Variants in PLBD2 observed in about 807,000 individuals in gnomAD.
The protein encoded by PLBD2 is putative aminopeptidase PLBD2.
Under a neutral mutation model 68.3 loss-of-function variants are expected in PLBD2, and 51 were observed. The ratio of observed to expected loss-of-function variants is 0.75; its 90% confidence interval spans 0.60 to 0.94. PLBD2 has a LOEUF of 0.94. Among genes scored for constraint, PLBD2 ranks in the 40% least tolerant of loss-of-function variants. PLBD2 has a pLI of 0.00. For synonymous variants in PLBD2, 314 were observed against 339.3 expected (o/e 0.93, Z 0.82); for missense variants, 729 against 792.2 (o/e 0.92, Z 0.96).
At chr12:113,380,687 C>T in intron 5 of PLBD2, 58 bp from the exon 6 acceptor site, 1 of 1,387,496 alleles carries the variant, frequency 7.2e-7, no homozygotes, top group South Asian at 1.2e-5. Flanking sequence ...AGGTAGGGTG[C>T]AGGGGCCTCC....
chr12:113,372,810 G>A lies in PLBD2; in HGVS notation c.543+3G>A, dbSNP rs80112745. The A allele has an allele frequency of 6.2e-6, 10 of 1,611,222 alleles. No individual in the cohort carries two copies. The highest frequency in any genetic ancestry group is 8.5e-6 in the Non-Finnish European group (10 of 1,178,994). Reference sequence around the variant, plus strand: ...CAGACTCACCTTACTGGCACCAGGTGAGTCCTGCTGCCACGCTTGGTGGGA... The same window carrying A: ...CAGACTCACCTTACTGGCACCAGGTAAGTCCTGCTGCCACGCTTGGTGGGA... On this transcript the variant is annotated splice_donor_region_variant and intron_variant, in intron 3 of 11. Transcript: ENST00000280800. This position sits in a 1 kb window ranked among gnomAD's most constrained non-coding sequence, Gnocchi z 4.2.
intron 1 of PLBD2, 86 bp downstream of exon 1, chr12:113,358,976 C>G: frequency 7.3e-7 from 1 of 1,376,718 alleles, no homozygotes; most frequent in African/African-American, 1.5e-5. Flanking sequence ...GGACCGGCCT[C>G]TTGCCGGGTG....
intron 1 of PLBD2, among the ~76,000 whole-genome samples, chr12:113,360,765 C>T (rs1028698665): frequency 7.2e-5 from 11 of 152,210 alleles, no homozygotes; most frequent in African/African-American, 1.9e-4. Flanking sequence ...AAGCGATTCT[C>T]GTGTCTCAGC....
intron 2 of PLBD2, among the ~76,000 whole-genome samples, chr12:113,371,656 G>T (rs1164182388): frequency 6.6e-6 from 1 of 152,232 alleles, no homozygotes; most frequent in Non-Finnish European, 1.5e-5. Context: ...GGAATCCCAG[G>T]CCCATGTGCC....
chr12:113,380,822 T>C lies in PLBD2; in HGVS notation c.937T>C (p.Tyr313His). Residue 313 changes from tyrosine (Y) to histidine (H), a missense_variant, in exon 6 of 12, where the codon TAC becomes CAC. Transcript: ENST00000280800. ...PGTIFSCDDF[Y>H]ILGSGLVTLE... ...CACCATCTTCTCCTGCGACGACTTC[T>C]ACATCCTGGGCAGTGGGCTGGTGAG... 6.4e-7 allele frequency: 1 copy of C among 1,556,532 alleles called. No homozygotes were observed. Among genetic ancestry groups the C allele is most frequent in the Non-Finnish European group, 8.7e-7 (1 of 1,149,806 alleles).
At position 113,364,169 on chromosome 12, in the gene PLBD2, A is replaced by G. The variant is rs185076662; in HGVS notation, c.291-4947A>G. ...TGCAGGGCTGTATGAGCATCCGGCC[A>G]GGGAATGGGTTCCTAACCACTGCCC... On this transcript the variant is annotated intron_variant, in intron 1 of 11. Transcript: ENST00000280800. Among the ~76,000 whole-genome samples, 125 of 152,352 alleles carry G rather than the reference A, an allele frequency of 8.2e-4. 2 individuals are homozygous for G. The highest frequency in any genetic ancestry group is 2.7e-3 in the African/African-American group (111 of 41,588).
chr12:113,363,058 A>G (rs1382526911), intron 1 of PLBD2, among the ~76,000 whole-genome samples: 1 of 151,806 alleles, frequency 6.6e-6, no homozygotes, highest in African/African-American at 2.4e-5. Context: ...AGCCTCCCAA[A>G]GTGCTGGGAT....
chr12:113,373,050 TAGTC>T (rs746728554), intron 3 of PLBD2, among the ~76,000 whole-genome samples: 9 of 152,184 alleles, frequency 5.9e-5, no homozygotes, highest in South Asian at 4.1e-4. Context: ...CAAAAACAAA[TAGTC>T]AGTTGTTAGC....
Position 113,384,050 on chromosome 12 carries a change from C to A in PLBD2, c.958-55C>A. On this transcript the variant is annotated intron_variant, in intron 6 of 11. Transcript: ENST00000280800. This position sits in a 1 kb window ranked among gnomAD's most constrained non-coding sequence, Gnocchi z 4.2. ...TGGAGCCATGACTGATGAAGTACTGCCACTTGGTGGCAGCATGCCTAGGCT... is the reference window on the plus strand; with the variant it reads ...TGGAGCCATGACTGATGAAGTACTGACACTTGGTGGCAGCATGCCTAGGCT... 7.0e-7 allele frequency: 1 copy of A among 1,426,020 alleles called. No individual in the cohort carries two copies. 88.3% of individuals were successfully genotyped at this position (1,426,020 alleles called of 1,614,324 possible).
Position 113,382,841 on chromosome 12 carries a change from G to T in PLBD2, c.958-1264G>T, listed in dbSNP as rs944989350. 4.6e-3 allele frequency among the ~76,000 whole-genome samples: 535 copies of T among 117,314 alleles called. 7 individuals carry two copies. The highest frequency in any genetic ancestry group is 0.034 in the East Asian group (141 of 4,170). 77.0% of individuals were successfully genotyped at this position (117,314 alleles called of 152,430 possible). On this transcript the variant is annotated intron_variant, in intron 6 of 11. Transcript: ENST00000280800. ...TGGTGGTGGTGGTGGTTTTTTGTGTGTGTGTGTGTGTGTGTGTGTGTGTGT... is the reference window on the plus strand; with the variant it reads ...TGGTGGTGGTGGTGGTTTTTTGTGTTTGTGTGTGTGTGTGTGTGTGTGTGT...
chr12:113,374,423 G>C (rs1035644519), intron 3 of PLBD2, 51 bp from the exon 4 acceptor site: 8 of 1,249,118 alleles, frequency 6.4e-6, no homozygotes, highest in Admixed American at 2.0e-5. Context: ...GAGAAGGTGT[G>C]AGCCTGGAGG....
chr12:113,377,077 A>G (rs903617063), intron 5 of PLBD2: 14 of 152,238 alleles, frequency 9.2e-5, no homozygotes, highest in African/African-American at 3.1e-4. Flanking sequence ...AATAAAATTC[A>G]AAATCTGTCA....
In PLBD2 at chr12:113,358,596, C is replaced by T. The variant is rs1417643319; in HGVS notation, c.-5C>T. 4 of 1,467,234 alleles carry T rather than the reference C, an allele frequency of 2.7e-6. No homozygotes were observed. The highest frequency in any genetic ancestry group is 3.0e-5 in the East Asian group (1 of 33,260). The allele number at this position is 1,467,234 out of a possible 1,614,324, so 90.9% of individuals were successfully genotyped here. ...CCGGGCTGCGGGGCGCAGCATTGTG[C>T]GGTCATGGTGGGCCAGATGTACTGC... On this transcript the variant is annotated 5_prime_UTR_variant, in exon 1 of 12. Transcript: ENST00000280800.
At chr12:113,381,306 C>T (rs1208139559) in intron 6 of PLBD2, among the ~76,000 whole-genome samples, 1 of 151,774 alleles carries the variant, frequency 6.6e-6, no homozygotes, top group African/African-American at 2.4e-5. Flanking sequence ...TCCTCAGAGC[C>T]CCTCTGACCT....
At position 113,391,108 on chromosome 12, in the gene PLBD2, A is replaced by G. The variant is rs1348561790; in HGVS notation, c.*2482A>G. On this transcript the variant is annotated 3_prime_UTR_variant, in exon 12 of 12. Coordinates refer to ENST00000280800, the MANE Select transcript of PLBD2 (RefSeq NM_173542.4). ...CTATTTGGGAGCCTTGTTAACCACC[A>G]AGACCTTCCTAAGCCATATTGTGGT... 6.6e-6 allele frequency: 1 copy of G among 152,168 alleles called. No individual in the cohort carries two copies. Among genetic ancestry groups the G allele is most frequent in the Non-Finnish European group, 1.5e-5 (1 of 68,042 alleles). 9.4% of individuals were successfully genotyped at this position (152,168 alleles called of 1,614,324 possible).
rs1565861250 is a variant in PLBD2, at chr12:113,375,051, GCACACACGTGGGGAGTGGT to G, written c.859+46_859+64del. 2.5e-6 allele frequency: 4 copies of G among 1,578,474 alleles called. No homozygotes were observed. The South Asian group carries it at 4.5e-5, about 18-fold the overall frequency. On this transcript the variant is annotated intron_variant, in intron 5 of 11. Coordinates refer to ENST00000280800, the MANE Select transcript of PLBD2 (RefSeq NM_173542.4). ...GTCTGGGGGATGAGCAGGTGGGTGG[GCACACACGTGGGGAGTGGT>G]CCTAGGAGGTTTGGGCCTTGGAAAC...
intron 8 of PLBD2, 55 bp downstream of exon 8, chr12:113,385,001 T>TG: frequency 1.3e-6 from 2 of 1,520,884 alleles, no homozygotes; most frequent in Non-Finnish European, 1.8e-6. Flanking sequence ...ACTGCCAGGG[T>TG]GAAGGCCCAG....
intron 5 of PLBD2, among the ~76,000 whole-genome samples, chr12:113,378,281 G>C (rs1299858459): frequency 6.7e-6 from 1 of 150,220 alleles, no homozygotes; most frequent in African/African-American, 2.5e-5. Context: ...AACAGAGTCG[G>C]CCTCTGTCTC....
chr12:113,378,291 C>G (rs1227043715), intron 5 of PLBD2, among the ~76,000 whole-genome samples: 1 of 131,484 alleles, frequency 7.6e-6, no homozygotes, highest in African/African-American at 2.8e-5. Flanking sequence ...GCCTCTGTCT[C>G]AAAAAAAAAA....
Sources: gnomAD v4.1 joint callset for allele counts (sites outside exome capture counted in the v4.1 genomes callset) on GRCh38, gnomAD v4.1.1 for gene constraint, Gnocchi (gnomAD v3.1) non-coding constraint, MANE v1.5 for transcripts, NCBI Gene and HGNC (gene_info 2026-07-23, HGNC 2026-07-21) for gene names.